Variants in FLNA observed in about 807,000 individuals in gnomAD.
FLNA encodes the protein filamin-A.
A neutral mutation model predicts 157.6 loss-of-function variants in FLNA; 7 were observed. That is an observed-to-expected ratio of 0.04 (90% CI 0.03 to 0.08). The LOEUF is 0.08. Ranked by LOEUF, FLNA falls within the 10% of genes least tolerant of loss-of-function variation. FLNA has a pLI of 1.00. For synonymous variants in FLNA, 1,103 were observed against 1,060.8 expected (o/e 1.04, Z -0.77); for missense variants, 1,750 against 2,398.4 (o/e 0.73, Z 5.65).
chrX:154,358,502 C>G lies in FLNA; in HGVS notation c.4541G>C (p.Ser1514Thr). ...DGTQTVNYVP[S>T]REGPYSISVL... is the part of the protein sequence containing the mutation. ...TGAGATGCTGTAGGGCCCTTCTCGG[C>G]TGGGCACATAATTGACGGTCTGGGT... Residue 1514 changes from serine (S) to threonine (T), a missense_variant, in exon 27 of 48, where the codon AGC becomes ACC. Physicochemically the swap from Ser to Thr is moderately conservative, Grantham distance 58. Transcript: ENST00000369850. The G allele has an allele frequency of 8.3e-7, 1 of 1,210,794 alleles. No homozygotes were observed. Among genetic ancestry groups the G allele is most frequent in the Non-Finnish European group, 1.1e-6 (1 of 894,850 alleles).
intron 5 of FLNA, 44 bp from the exon 6 acceptor site, chrX:154,366,894 C>A (rs1557179445): frequency 5.9e-6 from 6 of 1,017,395 alleles, no homozygotes; most frequent in Non-Finnish European, 8.3e-6. Flanking sequence ...CTGTTAAGGC[C>A]ACAGCCTCAC....
rs782615109 is a variant in FLNA, at chrX:154,366,244, C to A, written c.1229-20G>T. 4 of 1,211,078 alleles carry A rather than the reference C, an allele frequency of 3.3e-6. No homozygotes were observed. The South Asian group carries it at 7.0e-5, about 21-fold the overall frequency. Reference sequence around the variant, plus strand: ...CAGCTCCTGCCACGAGGCACCTGCTCAGCTCCCAGGCCCCAGTGCGGCTCT... The same window carrying A: ...CAGCTCCTGCCACGAGGCACCTGCTAAGCTCCCAGGCCCCAGTGCGGCTCT... On this transcript the variant is annotated intron_variant, in intron 8 of 47. Coordinates refer to ENST00000369850, the MANE Select transcript of FLNA (RefSeq NM_001110556.2).
Position 154,359,224 on chromosome X carries a change from G to A in FLNA, c.4303+22C>T, listed in dbSNP as rs1557177436. 4 of 1,209,732 alleles carry A rather than the reference G, an allele frequency of 3.3e-6. No individual in the cohort carries two copies. In the Admixed American group the frequency reaches 6.5e-5, roughly 20 times the overall value. On this transcript the variant is annotated intron_variant, in intron 25 of 47. Transcript: ENST00000369850. The stretch of plus-strand genomic sequence containing the variant: ...GGGACGAGCAGACAGTCCCAGCCCT[G>A]CCCTGGCCGCCACCTCCTCACCTGG...
chrX:154,368,917 G>A (rs1416485821), intron 2 of FLNA, among the ~76,000 whole-genome samples: 4 of 113,023 alleles, frequency 3.5e-5, no homozygotes, highest in East Asian at 2.8e-4. Context: ...CGGCAGGCTC[G>A]CCACAGGGGA....
rs989838363 is a variant in FLNA at position 154,370,689 on chromosome X, G to A, written c.373+184C>T. On this transcript the variant is annotated intron_variant, in intron 2 of 47. Coordinates refer to ENST00000369850, the MANE Select transcript of FLNA (RefSeq NM_001110556.2). ...GGGGCGCGTAGCGGTTCGCACGCCC[G>A]GCCGGCCAGCCAGCCAGCCCGCGCG... Among the ~76,000 whole-genome samples, 142 of 113,010 alleles carry A rather than the reference G, an allele frequency of 1.3e-3. 2 individuals are homozygous for A. The highest frequency in any genetic ancestry group is 1.1e-3 in the Non-Finnish European group (57 of 53,147).
chrX:154,361,232 G>A, intron 21 of FLNA, 76 bp downstream of exon 21: 1 of 1,033,632 alleles, frequency 9.7e-7, no homozygotes, highest in Non-Finnish European at 1.3e-6. Context: ...GGCAGGTCTG[G>A]AGAAGATGGG....
chrX:154,364,402 G>A, intron 13 of FLNA, 30 bp from the exon 14 acceptor site: 1 of 1,195,878 alleles, frequency 8.4e-7, no homozygotes, highest in Non-Finnish European at 1.1e-6. Flanking sequence ...CTGTCAGGGG[G>A]CCAGGTCCAG....
chrX:154,366,259 A>G lies in FLNA; in HGVS notation c.1229-35T>C, dbSNP rs1057257451. The G allele has an allele frequency of 5.0e-6, 6 of 1,209,211 alleles. No homozygotes were observed. In the Admixed American group the frequency reaches 6.5e-5, roughly 13 times the overall value. ...GGCACCTGCTCAGCTCCCAGGCCCCAGTGCGGCTCTCCCCACAGACCAGCT... is the reference window on the plus strand; with the variant it reads ...GGCACCTGCTCAGCTCCCAGGCCCCGGTGCGGCTCTCCCCACAGACCAGCT... On this transcript the variant is annotated intron_variant, in intron 8 of 47. Coordinates refer to ENST00000369850, the MANE Select transcript of FLNA (RefSeq NM_001110556.2).
At position 154,361,522 on chromosome X, in the gene FLNA, G is replaced by A. The variant is rs782099443; in HGVS notation, c.2993C>T (p.Ala998Val). Residue 998 changes from alanine to valine, a missense_variant, in exon 21 of 48, where the codon GCT (alanine) becomes GTT (valine). Transcript: ENST00000369850. ...GGATGCCACTTTGCCTTGACCACCA[G>A]CACCCTTTGATTTGACTGTGAACTC... is the stretch of plus-strand genomic sequence containing the variant. ...DQEFTVKSKG[A>V]GGQGKVASKI... is the part of the protein sequence containing the mutation. 5 of 1,211,424 alleles carry A rather than the reference G, an allele frequency of 4.1e-6. No individual in the cohort carries two copies. The highest frequency in any genetic ancestry group is 2.3e-4 in the Middle Eastern group (1 of 4,356).
intron 15 of FLNA, 79 bp from the exon 16 acceptor site, chrX:154,362,863 C>A: frequency 9.3e-7 from 1 of 1,070,933 alleles, no homozygotes; most frequent in Non-Finnish European, 1.3e-6. Flanking sequence ...CACTGGCAGG[C>A]ACACAAAATG....
At chrX:154,368,401 G>T (rs1207143457) in intron 2 of FLNA, among the ~76,000 whole-genome samples, 1 of 112,312 alleles carries the variant, frequency 8.9e-6, no homozygotes, top group Non-Finnish European at 1.9e-5. Flanking sequence ...GCCTGCAGAT[G>T]GGCAGCTCTG....
At chrX:154,358,721 C>T (rs1333876185) in intron 26 of FLNA, 153 bp from the exon 27 acceptor site, 36 of 728,270 alleles carry the variant, frequency 4.9e-5, no homozygotes, top group African/African-American at 1.3e-4. Flanking sequence ...CCCTCTGGCA[C>T]GAAAGACACC....
intron 1 of FLNA, among the ~76,000 whole-genome samples, chrX:154,372,779 T>C (rs1316914585): frequency 1.8e-5 from 2 of 108,768 alleles, no homozygotes; most frequent in East Asian, 5.7e-4. Flanking sequence ...TGTTCAATTC[T>C]AGTAATAATT....
Position 154,361,751 on chromosome X carries a change from G to T in FLNA, c.2863C>A (p.Pro955Thr). The change falls in exon 20 of 48, where the codon CCC (proline) becomes ACC (threonine). Residue 955 changes from proline (P) to threonine (T), a missense_variant. By Grantham distance (38) the Pro-to-Thr change is conservative. Transcript: ENST00000369850. The stretch of plus-strand genomic sequence containing the variant: ...ACTGAGAAAGGGCTCTTAGGGATGG[G>T]ATCCCCTCCATAAGTGACATTGACG... ...VGVNVTYGGDPIPKSPFSVAV... is the reference protein window; with the variant it reads ...VGVNVTYGGDTIPKSPFSVAV... 2.5e-6 allele frequency: 3 copies of T among 1,209,620 alleles called. No individual in the cohort carries two copies. The highest frequency in any genetic ancestry group is 3.4e-6 in the Non-Finnish European group (3 of 894,033).
At position 154,364,316 on chromosome X, in the gene FLNA, T is replaced by G. The variant is rs2067738396; in HGVS notation, c.2079A>C (p.Ala693=). 7 of 1,209,561 alleles carry G rather than the reference T, an allele frequency of 5.8e-6. No homozygotes were observed. Among genetic ancestry groups the G allele is most frequent in the African/African-American group, 1.8e-5 (1 of 57,131 alleles). The stretch of plus-strand genomic sequence containing the variant: ...CGTGCTTGGCATCCACTGTGAACTC[T>G]GCTGGCTTGTTGACGGCCACACCTG... ...EKTGVAVNKP[A]EFTVDAKHGG... The change falls in exon 14 of 48, where the codon GCA becomes GCC. Residue 693 remains alanine (A), a synonymous_variant. Coordinates refer to ENST00000369850, the MANE Select transcript of FLNA (RefSeq NM_001110556.2).
chrX:154,353,742 G>C lies in FLNA; in HGVS notation c.5687-15C>G, dbSNP rs782329142. ...AGACAGGCCCCCTGGAGAGAGCCGTGGGTGAGCATGGGAACTATGCTGGGG... is the reference window on the plus strand; with the variant it reads ...AGACAGGCCCCCTGGAGAGAGCCGTCGGTGAGCATGGGAACTATGCTGGGG... On this transcript the variant is annotated splice_polypyrimidine_tract_variant and intron_variant, in intron 35 of 47. Transcript: ENST00000369850. The C allele has an allele frequency of 1.7e-6, 2 of 1,204,482 alleles. No homozygotes were observed. The highest frequency in any genetic ancestry group is 3.6e-5 in the South Asian group (2 of 56,214).
chrX:154,353,720 C>T lies in FLNA; in HGVS notation c.5694G>A (p.Leu1898=), dbSNP rs782618942. The change falls in exon 36 of 48, where the codon CTG becomes CTA. Residue 1898 remains leucine, a synonymous_variant. Transcript: ENST00000369850. ...VNTKDAGEGG[L]SLAIEGPSKA... is the part of the protein sequence containing the mutation. ...TGGACGGGCCCTCAATGGCCAGAGA[C>T]AGGCCCCCTGGAGAGAGCCGTGGGT... The T allele has an allele frequency of 5.8e-6, 7 of 1,208,537 alleles. No individual in the cohort carries two copies. The Admixed American group carries it at 1.5e-4, about 26-fold the overall frequency.
chrX:154,363,957 T>C, intron 15 of FLNA, 65 bp downstream of exon 15: 1 of 1,149,063 alleles, frequency 8.7e-7, no homozygotes, highest in Non-Finnish European at 1.2e-6. Context: ...CCACTTGAAA[T>C]GGACGAATCG....
chrX:154,366,809 A>C lies in FLNA; in HGVS notation c.910T>G (p.Phe304Val). ...TGNMVKKRAE[F>V]TVETRSAGQG... ...CCAGCACTTCTGGTCTCCACAGTGA[A>C]CTCTGCCCGCTTCTTCACCATGTTG... The change falls in exon 6 of 48, where the codon TTC (phenylalanine) becomes GTC (valine). Residue 304 changes from phenylalanine to valine, a missense_variant. Phe to Val is a conservative substitution (Grantham distance 50, BLOSUM62 -1). Around this residue, in one of 5 missense-constraint regions of FLNA, gnomAD observed 648 missense variants for 805.8 expected, o/e 0.80. Coordinates refer to ENST00000369850, the MANE Select transcript of FLNA (RefSeq NM_001110556.2). The C allele has an allele frequency of 1.7e-6, 2 of 1,210,830 alleles. No individual in the cohort carries two copies. The highest frequency in any genetic ancestry group is 2.2e-6 in the Non-Finnish European group (2 of 895,113).
Sources: allele counts gnomAD v4.1 joint callset (sites outside exome capture counted in the v4.1 genomes callset), GRCh38; gene constraint gnomAD v4.1.1; regional missense constraint gnomAD v4.1.1; transcripts MANE v1.5; gene names NCBI Gene and HGNC (gene_info 2026-07-23, HGNC 2026-07-21).